The following TRUB2 variants were observed in gnomAD, a reference collection of about 807,000 sequenced individuals.
TRUB2 encodes the protein TruB pseudouridine synthase family member 2.
In TRUB2, 31 loss-of-function variants were observed where a neutral mutation model predicts 31.9. The ratio of observed to expected loss-of-function variants is 0.97; its 90% CI spans 0.73 to 1.31. The LOEUF (loss-of-function observed/expected upper bound fraction) is 1.31. Among genes scored for constraint, TRUB2 ranks in the 50% most tolerant of loss-of-function variants. The pLI, the probability that TRUB2 is intolerant of heterozygous loss-of-function variation, is 0.00. For synonymous variants in TRUB2, 201 were observed against 182.6 expected, an observed-to-expected ratio of 1.10 and a Z score of -0.81; for missense variants, 451 against 439.6, an observed-to-expected ratio of 1.03 and a Z score of -0.23.
chr9:128,311,324 C>G, intron 6 of TRUB2: 4 of 637,454 alleles, frequency 6.3e-6, no homozygotes, highest in Non-Finnish European at 1.1e-5. Context: ...CAGCTTGGTT[C>G]TCTTGCTCTT....
chr9:128,310,859 A>G (rs1344797830), intron 7 of TRUB2, 28 bp downstream of exon 7: 2 of 1,613,202 alleles, frequency 1.2e-6, no homozygotes, highest in Non-Finnish European at 1.7e-6. Context: ...GTCCCATCTC[A>G]CTGCTCCAAC....
At chr9:128,312,980 C>A (rs1831999662) in intron 5 of TRUB2, among the ~76,000 whole-genome samples, 1 of 151,778 alleles carries the variant, frequency 6.6e-6, no homozygotes, top group African/African-American at 2.4e-5. Context: ...CTTTGGGAGG[C>A]CGAGGTGGGC....
At chr9:128,311,666 TC>T in intron 5 of TRUB2, 65 bp from the exon 6 acceptor site, 1 of 1,555,276 alleles carries the variant, frequency 6.4e-7, no homozygotes, top group Non-Finnish European at 8.8e-7. Context: ...GCAAACTCCT[TC>T]CCCCCAGGCC....
In TRUB2 at chr9:128,321,589, T is replaced by C. The variant is rs187642715; in HGVS notation, c.241+10A>G. ...AGTGACACACAGGATCCTGCTTAAA[T>C]CTGCCTTACCCAGTGGATGGTTGAT... On this transcript the variant is annotated intron_variant, in intron 2 of 7. Coordinates refer to ENST00000372890, the MANE Select transcript of TRUB2 (RefSeq NM_015679.3). 2.9e-5 allele frequency: 46 copies of C among 1,613,838 alleles called. No homozygotes were observed. The East Asian group carries it at 1.0e-3, about 35-fold the overall frequency.
rs1341849548 is a variant in TRUB2, at chr9:128,307,242, G to A, written c.*2308C>T. 2 of 152,132 alleles carry A rather than the reference G, an allele frequency of 1.3e-5. No homozygotes were observed. The highest frequency in any genetic ancestry group is 2.9e-5 in the Non-Finnish European group (2 of 68,080). 9.4% of individuals were successfully genotyped at this position (152,132 alleles called of 1,614,324 possible). Reference sequence around the variant, plus strand: ...ATTGCACTCCAGCCTGGGTGACAGAGCAAGACTCCATCTCAAAAAAAAATA... The same window carrying A: ...ATTGCACTCCAGCCTGGGTGACAGAACAAGACTCCATCTCAAAAAAAAATA... On this transcript the variant is annotated 3_prime_UTR_variant, in exon 8 of 8. Coordinates refer to ENST00000372890, the MANE Select transcript of TRUB2 (RefSeq NM_015679.3).
At chr9:128,312,607 T>G (rs1161434903) in intron 5 of TRUB2, among the ~76,000 whole-genome samples, 3 of 148,014 alleles carry the variant, frequency 2.0e-5, no homozygotes, top group African/African-American at 7.5e-5. Context: ...ATTTTTTGTA[T>G]TATTATTATT....
In TRUB2 at chr9:128,310,972, T is replaced by G. The variant is rs765966336; in HGVS notation, c.585A>C (p.Arg195Ser). The change falls in exon 7 of 8, where the codon AGA becomes AGC. Residue 195 changes from arginine (R) to serine (S), a missense_variant. Arg to Ser is a moderately radical substitution (Grantham distance 110). Transcript: ENST00000372890. ...KTQEAYEMAV[R>S]GLIRPMNKSP... ...ACTTGTTCATGGGCCGGATCAGGCC[T>G]CTCACGGCCATCTCATAGGCCTCCT... 3.0e-5 allele frequency: 48 copies of G among 1,614,110 alleles called. No individual in the cohort carries two copies. The highest frequency in any genetic ancestry group is 4.1e-5 in the Non-Finnish European group (48 of 1,180,040).
At position 128,309,916 on chromosome 9, in the gene TRUB2, C is replaced by T. The variant is rs186000251; in HGVS notation, c.671-41G>A. On this transcript the variant is annotated intron_variant, in intron 7 of 7. Coordinates refer to ENST00000372890, the MANE Select transcript of TRUB2 (RefSeq NM_015679.3). ...AATGACAGACATGGTGGTGAGAGCA[C>T]AGCCTCTAGTGTGTGGTTGTGAACG... 1,108 of 1,594,374 alleles carry T rather than the reference C, an allele frequency of 6.9e-4. 12 individuals are homozygous for T. The highest frequency in any genetic ancestry group is 1.7e-4 in the Middle Eastern group (1 of 6,004).
chr9:128,320,585 G>C (rs1427446016), intron 2 of TRUB2, among the ~76,000 whole-genome samples: 1 of 151,838 alleles, frequency 6.6e-6, no homozygotes, highest in East Asian at 1.9e-4. Flanking sequence ...GCTCGCCTCA[G>C]CCTCCCAAAG....
chr9:128,316,092 C>T (rs1832063798), intron 3 of TRUB2, among the ~76,000 whole-genome samples: 1 of 152,028 alleles, frequency 6.6e-6, no homozygotes, highest in Non-Finnish European at 1.5e-5. Context: ...AGGTGGATCA[C>T]CTGAGGTCAG....
At chr9:128,312,437 CTTTTT>C (rs954136259) in intron 5 of TRUB2, among the ~76,000 whole-genome samples, 1 of 132,826 alleles carries the variant, frequency 7.5e-6, no homozygotes, top group African/African-American at 2.8e-5. Context: ...CGAACCTGGC[CTTTTT>C]TTTTTTGAGA....
chr9:128,321,631 G>A lies in TRUB2; in HGVS notation c.209C>T (p.Thr70Ile), dbSNP rs1190107219. The A allele has an allele frequency of 6.2e-7, 1 of 1,614,072 alleles. No homozygotes were observed. Among genetic ancestry groups the A allele is most frequent in the South Asian group, 1.1e-5 (1 of 91,064 alleles). The change falls in exon 2 of 8, where the codon ACC becomes ATC. Residue 70 changes from threonine (T) to isoleucine (I), a missense_variant. Transcript: ENST00000372890. The stretch of plus-strand genomic sequence containing the variant: ...ATGGTTGATGAAAGAGGGTACGCTG[G>A]TGGCTGTGAGGGTCAGCTCCTTCTC... ...SEEKELTLTA[T>I]SVPSFINHPL...
Position 128,309,444 on chromosome 9 carries a change from T to A in TRUB2, c.*106A>T. The A allele has an allele frequency of 8.0e-7, 1 of 1,250,730 alleles. No individual in the cohort carries two copies. The allele number at this position is 1,250,730 out of a possible 1,614,324, so 77.5% of individuals were successfully genotyped here. On this transcript the variant is annotated 3_prime_UTR_variant, in exon 8 of 8. Transcript: ENST00000372890. ...CTGTTACAGCTTGAGTTTTGTGTCT[T>A]ACGTAGAAAAGGTGCCCCTGCTCTC...
At chr9:128,318,484 A>G (rs531715453) in intron 2 of TRUB2, among the ~76,000 whole-genome samples, 43 of 151,796 alleles carry the variant, frequency 2.8e-4, no homozygotes, top group African/African-American at 9.9e-4. Context: ...CACAAGTCAA[A>G]CCTGAAGACT....
intron 4 of TRUB2, 91 bp from the exon 5 acceptor site, chr9:128,313,980 G>T (rs1041367420): frequency 8.2e-7 from 1 of 1,214,828 alleles, no homozygotes; most frequent in Non-Finnish European, 1.2e-6. Context: ...GGGGTCCTCA[G>T]GTCTCCCTCA....
Position 128,309,715 on chromosome 9 carries a change from G to A in TRUB2, c.831C>T (p.Thr277=), listed in dbSNP as rs1318839295. 1 of 1,614,230 alleles carries A rather than the reference G, an allele frequency of 6.2e-7. No individual in the cohort carries two copies. The highest frequency in any genetic ancestry group is 1.1e-5 in the South Asian group (1 of 91,088). The stretch of plus-strand genomic sequence containing the variant: ...CAGCCCGGATAGCATCCTGGATGTT[G>A]GTTAGGTCCCACTGGGTCCTCAGGA... ...SALLRTQWDL[T]NIQDAIRAAT... The change falls in exon 8 of 8, where the codon ACC becomes ACT. Residue 277 remains threonine (T), a synonymous_variant. Coordinates refer to ENST00000372890, the MANE Select transcript of TRUB2 (RefSeq NM_015679.3).
Position 128,322,414 on chromosome 9 carries a change from A to C in TRUB2, c.-6T>G, listed in dbSNP as rs1277891049. 6.2e-7 allele frequency: 1 copy of C among 1,614,058 alleles called. No individual in the cohort carries two copies. Among genetic ancestry groups the C allele is most frequent in the Admixed American group, 1.7e-5 (1 of 60,022 alleles). On this transcript the variant is annotated 5_prime_UTR_variant, in exon 1 of 8. Coordinates refer to ENST00000372890, the MANE Select transcript of TRUB2 (RefSeq NM_015679.3). ...GACAAGCCAGCAGACCCCATACTTG[A>C]AGATCACAGCACCCGCTGGACCTGG...
intron 4 of TRUB2, among the ~76,000 whole-genome samples, chr9:128,314,934 C>A (rs1490033089): frequency 6.6e-6 from 1 of 152,168 alleles, no homozygotes; most frequent in East Asian, 1.9e-4. Context: ...ATTAGGTAAT[C>A]TACCCAAGGA....
chr9:128,313,437 G>A (rs1468262334), intron 5 of TRUB2, among the ~76,000 whole-genome samples: 1 of 149,708 alleles, frequency 6.7e-6, no homozygotes, highest in African/African-American at 2.5e-5. Flanking sequence ...TAGGGAGGCT[G>A]AGGCAGGAGA....
Sources: allele counts gnomAD v4.1 joint callset (sites outside exome capture counted in the v4.1 genomes callset), GRCh38; gene constraint gnomAD v4.1.1; transcripts MANE v1.5; gene names NCBI Gene and HGNC (gene_info 2026-07-23, HGNC 2026-07-21).